GRM8: variants seen among roughly 807,000 people sequenced by gnomAD.
GRM8 encodes glutamate metabotropic receptor 8.
Under a neutral mutation model 87.2 loss-of-function variants are expected in GRM8, and 47 were observed. That is an observed-to-expected ratio of 0.54 (90% CI 0.43 to 0.69). The LOEUF is 0.69. Ranked by LOEUF, GRM8 falls within the 30% of genes least tolerant of loss-of-function variation. The pLI is 0.00. For missense variants in GRM8, 1,019 were observed against 1,139.2 expected, an observed-to-expected ratio of 0.89 and a Z score of 1.52; for synonymous variants, 396 against 404.5, an observed-to-expected ratio of 0.98 and a Z score of 0.25.
In GRM8 at chr7:126,796,457, T is replaced by C. The variant is rs374689531; in HGVS notation, c.1157-26392A>G. Reference sequence around the variant, plus strand: ...CAAAGAGGGAAACATAAATGACCAGTGGATGACTTAAATGACCTTCACTGA... The same window carrying C: ...CAAAGAGGGAAACATAAATGACCAGCGGATGACTTAAATGACCTTCACTGA... On this transcript the variant is annotated intron_variant, in intron 6 of 10. Transcript: ENST00000339582. Among the ~76,000 whole-genome samples, 10 of 152,120 alleles carry C rather than the reference T, an allele frequency of 6.6e-5. No individual in the cohort carries two copies. In the East Asian group the frequency reaches 1.2e-3, roughly 18 times the overall value.
chr7:126,552,057 T>C (rs1278337305), intron 8 of GRM8, among the ~76,000 whole-genome samples: 2 of 152,132 alleles, frequency 1.3e-5, no homozygotes, highest in East Asian at 3.9e-4. Context: ...TACTCTTGTT[T>C]TGCCTCTGCT....
chr7:127,024,115 C>T (rs1357897946), intron 3 of GRM8, among the ~76,000 whole-genome samples: 1 of 152,068 alleles, frequency 6.6e-6, no homozygotes, highest in Non-Finnish European at 1.5e-5. Context: ...TACATCACTG[C>T]ACTGCTACTC....
At chr7:126,720,812 GA>G (rs1812315575) in intron 7 of GRM8, among the ~76,000 whole-genome samples, 1 of 152,100 alleles carries the variant, frequency 6.6e-6, no homozygotes, top group African/African-American at 2.4e-5. Context: ...AGGAAAATGA[GA>G]AAAAAGTAAA....
chr7:126,440,793 CA>C (rs2087054354), intron 10 of GRM8, among the ~76,000 whole-genome samples: 1 of 151,928 alleles, frequency 6.6e-6, no homozygotes, highest in Non-Finnish European at 1.5e-5. Flanking sequence ...AATTGCCTAA[CA>C]ACACATTTCT....
intron 9 of GRM8, among the ~76,000 whole-genome samples, chr7:126,515,782 G>A (rs1024587045): frequency 2.6e-5 from 4 of 151,966 alleles, no homozygotes; most frequent in African/African-American, 7.2e-5. Flanking sequence ...AGACACAACC[G>A]GATAATTTAG....
rs558028154 is a variant in GRM8 at position 126,500,038 on chromosome 7, T to G, written c.2430+32914A>C. ...GATCAAATCAGGCTAATTAACATAT[T>G]TATCACCTCAAGTACTTATGATTTC... On this transcript the variant is annotated intron_variant, in intron 9 of 10. Coordinates refer to ENST00000339582, the MANE Select transcript of GRM8 (RefSeq NM_000845.3). Among the ~76,000 whole-genome samples, 28 of 152,062 alleles carry G rather than the reference T, an allele frequency of 1.8e-4. 1 individual carries two copies. The East Asian group carries it at 5.4e-3, about 30-fold the overall frequency.
chr7:127,246,664 C>G (rs560038898), intron 1 of GRM8, among the ~76,000 whole-genome samples: 1 of 152,322 alleles, frequency 6.6e-6, no homozygotes, highest in African/African-American at 2.4e-5. Flanking sequence ...CCTAAGACTC[C>G]TGGAAGCAGG....
At chr7:126,464,694 A>G (rs1203209453) in intron 9 of GRM8, among the ~76,000 whole-genome samples, 1 of 151,584 alleles carries the variant, frequency 6.6e-6, no homozygotes, top group Non-Finnish European at 1.5e-5. Flanking sequence ...ATTTTTTTAG[A>G]CTGATGACAG....
At chr7:126,826,513 G>A (rs906827581) in intron 6 of GRM8, among the ~76,000 whole-genome samples, 3 of 152,138 alleles carry the variant, frequency 2.0e-5, no homozygotes, top group Admixed American at 6.5e-5. Context: ...CTGCATAAAT[G>A]TCTTCTTTTG....
rs552710537 is a variant in GRM8, at chr7:126,940,605, C to T, written c.728-35922G>A. 3.9e-5 allele frequency among the ~76,000 whole-genome samples: 6 copies of T among 152,288 alleles called. No individual in the cohort carries two copies. The East Asian group carries it at 7.7e-4, about 20-fold the overall frequency. ...TTGTTGTCACCATGTAGACAAGAGC[C>T]CTTGATCCTCCATCACTCAAAACAA... On this transcript the variant is annotated intron_variant, in intron 3 of 10. Transcript: ENST00000339582.
intron 7 of GRM8, among the ~76,000 whole-genome samples, chr7:126,710,552 T>C (rs1174826308): frequency 1.3e-5 from 2 of 152,220 alleles, no homozygotes; most frequent in African/African-American, 4.8e-5. Context: ...CATAAGAAGG[T>C]ACTCTTCCTC....
At chr7:127,154,958 A>G (rs1371587954) in intron 2 of GRM8, among the ~76,000 whole-genome samples, 1 of 152,174 alleles carries the variant, frequency 6.6e-6, no homozygotes, top group Non-Finnish European at 1.5e-5. Flanking sequence ...TCATTCTCCA[A>G]ATTCACAAAT....
intron 1 of GRM8, among the ~76,000 whole-genome samples, chr7:127,249,599 G>C (rs910302387): frequency 6.6e-6 from 1 of 152,154 alleles, no homozygotes; most frequent in African/African-American, 2.4e-5. Flanking sequence ...GTCCCTCCCA[G>C]TGAGTGGGTG....
chr7:127,181,596 T>C (rs1172424114), intron 2 of GRM8, among the ~76,000 whole-genome samples: 1 of 152,088 alleles, frequency 6.6e-6, no homozygotes, highest in Non-Finnish European at 1.5e-5. Flanking sequence ...TTTCAAACTA[T>C]ACTATAAGGC....
chr7:127,071,984 C>G (rs1469612361), intron 3 of GRM8, among the ~76,000 whole-genome samples: 3 of 152,028 alleles, frequency 2.0e-5, no homozygotes, highest in African/African-American at 7.2e-5. Flanking sequence ...GAAATTACCC[C>G]CTGAACTCCA....
At chr7:126,909,214 C>A (rs1803031038) in intron 3 of GRM8, among the ~76,000 whole-genome samples, 1 of 152,190 alleles carries the variant, frequency 6.6e-6, no homozygotes, top group South Asian at 2.1e-4. Flanking sequence ...AATAGGTCAT[C>A]CCCTAAAATA....
At chr7:126,563,973 A>G (rs1209609251) in intron 8 of GRM8, among the ~76,000 whole-genome samples, 1 of 152,244 alleles carries the variant, frequency 6.6e-6, no homozygotes, top group Non-Finnish European at 1.5e-5. Flanking sequence ...AAATTATAAT[A>G]GAGTTTCATC....
intron 2 of GRM8, among the ~76,000 whole-genome samples, chr7:127,187,153 C>T (rs1360088068): frequency 6.6e-6 from 1 of 151,990 alleles, no homozygotes; most frequent in Non-Finnish European, 1.5e-5. Context: ...GTTGAGAATA[C>T]ACAATAAGAA....
chr7:127,228,922 C>G (rs1329828655), intron 2 of GRM8: 1 of 152,126 alleles, frequency 6.6e-6, no homozygotes, highest in African/African-American at 2.4e-5. Flanking sequence ...TACCACTTTA[C>G]TGGAATGAAA....
Sources: gnomAD v4.1 joint callset for allele counts (sites outside exome capture counted in the v4.1 genomes callset) on GRCh38, gnomAD v4.1.1 for gene constraint, MANE v1.5 for transcripts, NCBI Gene and HGNC (gene_info 2026-07-23, HGNC 2026-07-21) for gene names.